Variants in PPARGC1B observed in about 807,000 individuals in gnomAD.
PPARGC1B encodes the protein peroxisome proliferator-activated receptor gamma coactivator 1-beta.
A neutral mutation model predicts 101.6 loss-of-function variants in PPARGC1B; 34 were observed. That is an observed-to-expected ratio of 0.33 (90% CI 0.25 to 0.45). The LOEUF (loss-of-function observed/expected upper bound fraction) is 0.45, where lower values mean the gene tolerates loss of function less well. Ranked by LOEUF, PPARGC1B falls within the 20% of genes least tolerant of loss-of-function variation. The pLI is 1.00. For missense variants in PPARGC1B, 1,234 were observed against 1,317.6 expected, an observed-to-expected ratio of 0.94 and a Z score of 0.98; for synonymous variants, 548 against 539.3, an observed-to-expected ratio of 1.02 and a Z score of -0.22.
chr5:149,744,238 C>G (rs1414047010), intron 1 of PPARGC1B, among the ~76,000 whole-genome samples: 1 of 152,204 alleles, frequency 6.6e-6, no homozygotes, highest in East Asian at 1.9e-4. Flanking sequence ...CCAATTCACT[C>G]TTAGTTTGCA....
At chr5:149,845,390 T>C (rs1759510919) in intron 10 of PPARGC1B, among the ~76,000 whole-genome samples, 1 of 152,200 alleles carries the variant, frequency 6.6e-6, no homozygotes, top group African/African-American at 2.4e-5. Flanking sequence ...GCATCAGCTT[T>C]AATGTCAGAG....
chr5:149,846,719 TGG>T (rs1759575615), intron 11 of PPARGC1B: 1 of 153,850 alleles, frequency 6.5e-6, no homozygotes, highest in Non-Finnish European at 1.4e-5. Context: ...GTGACCCGGC[TGG>T]GTGCCAGGCC....
intron 1 of PPARGC1B, among the ~76,000 whole-genome samples, chr5:149,755,310 T>C (rs1755476789): frequency 6.6e-6 from 1 of 151,890 alleles, no homozygotes; most frequent in South Asian, 2.1e-4. Flanking sequence ...CACTGCAGGC[T>C]TGAACCCCTG....
rs566671777 is a variant in PPARGC1B, at chr5:149,848,539, G to C, written c.*981G>C. Reference sequence around the variant, plus strand: ...GTAGAGGTGAGTTCGGCTAAATTGGGCACCGGGCTAGAAGCCTAAGGGCTC... The same window carrying C: ...GTAGAGGTGAGTTCGGCTAAATTGGCCACCGGGCTAGAAGCCTAAGGGCTC... On this transcript the variant is annotated 3_prime_UTR_variant, in exon 12 of 12. Transcript: ENST00000309241. The C allele has an allele frequency of 4.6e-5, 7 of 152,344 alleles. No individual in the cohort carries two copies. In the South Asian group the frequency reaches 1.5e-3, roughly 32 times the overall value. The allele number at this position is 152,344 out of a possible 1,614,324, so 9.4% of individuals were successfully genotyped here. A position where few individuals can be genotyped will look rare whatever the true frequency, so the allele number is the denominator to read the frequency against.
chr5:149,783,707 T>C (rs1756680466), intron 1 of PPARGC1B, among the ~76,000 whole-genome samples: 1 of 152,180 alleles, frequency 6.6e-6, no homozygotes, highest in African/African-American at 2.4e-5. Flanking sequence ...AAATTCCCCC[T>C]CTTTACATTG....
In PPARGC1B at chr5:149,826,744, G is replaced by A. The variant is rs1758538470; in HGVS notation, c.324G>A (p.Val108=). 6.2e-7 allele frequency: 1 copy of A among 1,613,886 alleles called. No individual in the cohort carries two copies. The highest frequency in any genetic ancestry group is 1.3e-5 in the African/African-American group (1 of 74,870). ...TGGATGACATCCCTGAAGATGACGTGGGTCTGGCTGCCTTCCCAGCCCTGG... is the reference window on the plus strand; with the variant it reads ...TGGATGACATCCCTGAAGATGACGTAGGTCTGGCTGCCTTCCCAGCCCTGG... ...KTLDDIPEDD[V]GLAAFPALDG... is the part of the protein sequence containing the mutation. The change falls in exon 3 of 12, where the codon GTG becomes GTA. Residue 108 remains valine (V), a synonymous_variant. Coordinates refer to ENST00000309241, the MANE Select transcript of PPARGC1B (RefSeq NM_133263.4).
At chr5:149,809,485 GA>G (rs1757758643) in intron 1 of PPARGC1B, among the ~76,000 whole-genome samples, 1 of 58,754 alleles carries the variant, frequency 1.7e-5, no homozygotes, top group African/African-American at 4.7e-5. Flanking sequence ...ACCATAGATA[GA>G]TAGATAGATA....
At chr5:149,821,504 A>G (rs1002537106) in intron 2 of PPARGC1B, among the ~76,000 whole-genome samples, 1 of 152,222 alleles carries the variant, frequency 6.6e-6, no homozygotes, top group African/African-American at 2.4e-5. Flanking sequence ...TGATGGACAC[A>G]TTCAGATTCA....
At position 149,832,601 on chromosome 5, in the gene PPARGC1B, A is replaced by G. The variant is rs1758835491; in HGVS notation, c.583-55A>G. 7.3e-7 allele frequency: 1 copy of G among 1,377,000 alleles called. No individual in the cohort carries two copies. The highest frequency in any genetic ancestry group is 1.5e-5 in the South Asian group (1 of 67,106). The allele number at this position is 1,377,000 out of a possible 1,614,324, so 85.3% of individuals were successfully genotyped here. ...CAGCCAGTGACCATGCGGATGAGACACATGGGAGGAGTGTTTGGGCCTCCT... is the reference window on the plus strand; with the variant it reads ...CAGCCAGTGACCATGCGGATGAGACGCATGGGAGGAGTGTTTGGGCCTCCT... On this transcript the variant is annotated intron_variant, in intron 4 of 11. Transcript: ENST00000309241. This position sits in a 1 kb window ranked among gnomAD's most constrained non-coding sequence, Gnocchi z 4.9.
chr5:149,778,063 T>TCACA (rs1219646323), intron 1 of PPARGC1B, among the ~76,000 whole-genome samples: 734 of 11,822 alleles, frequency 0.062, 26 homozygotes, highest in East Asian at 0.078. Context: ...TAGCAGCATC[T>TCACA]CACACACACA....
In PPARGC1B at chr5:149,854,775, T is replaced by C. The variant is rs1759900663; in HGVS notation, c.*7217T>C. The C allele has an allele frequency of 1.3e-5, 2 of 152,226 alleles. No homozygotes were observed. The highest frequency in any genetic ancestry group is 2.9e-5 in the Non-Finnish European group (2 of 68,042). The allele number at this position is 152,226 out of a possible 1,614,324, so 9.4% of individuals were successfully genotyped here. On this transcript the variant is annotated 3_prime_UTR_variant, in exon 12 of 12. Transcript: ENST00000309241. Reference sequence around the variant, plus strand: ...CTTGTATTTGTACATTGTCAGATTCTATAGTTTCCTAGATAATTTAACCAA... The same window carrying C: ...CTTGTATTTGTACATTGTCAGATTCCATAGTTTCCTAGATAATTTAACCAA...
chr5:149,847,267 T>C, intron 11 of PPARGC1B, 191 bp from the exon 12 acceptor site: 1 of 721,278 alleles, frequency 1.4e-6, no homozygotes, highest in South Asian at 1.5e-5. Context: ...GAGACACTGA[T>C]ACCATGGCCA....
rs144054131 is a variant in PPARGC1B, at chr5:149,842,295, G to T, written c.2734G>T (p.Asp912Tyr). The T allele has an allele frequency of 7.8e-4, 1,261 of 1,614,128 alleles. 8 individuals are homozygous for T. Among genetic ancestry groups the T allele is most frequent in the East Asian group, 7.3e-3 (327 of 44,880 alleles). Residue 912 changes from aspartate to tyrosine, a missense_variant, in exon 10 of 12, where the codon GAC becomes TAC. Physicochemically the swap from Asp to Tyr is radical, Grantham distance 160. Around this residue, in one of 3 missense-constraint regions of PPARGC1B, gnomAD observed 497 missense variants for 529.5 expected, o/e 0.94. Transcript: ENST00000309241. ...RVVYIQNLSSDMSSRELKRRF... is the reference protein window; with the variant it reads ...RVVYIQNLSSYMSSRELKRRF... ...GGTGTACATTCAAAATCTCTCCAGC[G>T]ACATGAGCTCCCGAGAGCTGAAGAG... is the stretch of plus-strand genomic sequence containing the variant.
At chr5:149,801,236 G>C (rs1006955294) in intron 1 of PPARGC1B, among the ~76,000 whole-genome samples, 3 of 152,170 alleles carry the variant, frequency 2.0e-5, no homozygotes, top group Non-Finnish European at 4.4e-5. Flanking sequence ...GCATATAAAT[G>C]TTTAATAATA....
At chr5:149,846,620 C>G (rs1759568893) in intron 11 of PPARGC1B, 1 of 146,418 alleles carries the variant, frequency 6.8e-6, no homozygotes, top group Non-Finnish European at 1.5e-5. Flanking sequence ...GGCAACAGAG[C>G]AAGACCCTGT....
intron 1 of PPARGC1B, among the ~76,000 whole-genome samples, chr5:149,739,333 CTG>C (rs1561846589): frequency 6.6e-6 from 1 of 152,206 alleles, no homozygotes; most frequent in East Asian, 1.9e-4. Flanking sequence ...CTCCCAATAA[CTG>C]TGAGACTGGC....
At chr5:149,803,840 A>G (rs1218652897) in intron 1 of PPARGC1B, among the ~76,000 whole-genome samples, 1 of 152,240 alleles carries the variant, frequency 6.6e-6, no homozygotes, top group East Asian at 1.9e-4. Context: ...TACATAAGGC[A>G]GGCTCAGCTG....
intron 1 of PPARGC1B, among the ~76,000 whole-genome samples, chr5:149,796,276 C>G (rs1757213619): frequency 6.6e-6 from 1 of 152,046 alleles, no homozygotes; most frequent in African/African-American, 2.4e-5. Context: ...AAGTAACCAG[C>G]CATGCAAAAA....
chr5:149,841,225 C>T (rs1759321083), intron 9 of PPARGC1B, among the ~76,000 whole-genome samples: 1 of 152,166 alleles, frequency 6.6e-6, no homozygotes, highest in Non-Finnish European at 1.5e-5. Flanking sequence ...AGGGCACCTT[C>T]AGGGAGCTGG....
Sources: allele counts gnomAD v4.1 joint callset (sites outside exome capture counted in the v4.1 genomes callset), GRCh38; gene constraint gnomAD v4.1.1; regional missense constraint gnomAD v4.1.1; non-coding constraint Gnocchi (gnomAD v3.1); transcripts MANE v1.5; gene names NCBI Gene and HGNC (gene_info 2026-07-23, HGNC 2026-07-21).